Variants in LAMA1 observed in about 807,000 individuals in gnomAD.
LAMA1 encodes laminin subunit alpha-1.
A neutral mutation model predicts 348.7 loss-of-function variants in LAMA1; 219 were observed. The ratio of observed to expected loss-of-function variants is 0.63; its 90% CI spans 0.56 to 0.70. The LOEUF (loss-of-function observed/expected upper bound fraction) is 0.70. LAMA1 is among the 30% of genes least tolerant of loss of function. The pLI is 0.00. For synonymous variants in LAMA1, 1,487 were observed against 1,491.0 expected, an observed-to-expected ratio of 1.00 and a Z score of 0.06; for missense variants, 3,744 against 3,888.0, an observed-to-expected ratio of 0.96 and a Z score of 0.99.
chr18:6,974,889 A>G lies in LAMA1; in HGVS notation c.6623+14T>C. ...TAAAAAAGAGAGCTGCTTTGAGAGAACATTCTCTTCTACCTGGCTACATGG... is the reference window on the plus strand; with the variant it reads ...TAAAAAAGAGAGCTGCTTTGAGAGAGCATTCTCTTCTACCTGGCTACATGG... On this transcript the variant is annotated intron_variant, in intron 46 of 62. Transcript: ENST00000389658. 1 of 1,614,098 alleles carries G rather than the reference A, an allele frequency of 6.2e-7. No homozygotes were observed. Among genetic ancestry groups the G allele is most frequent in the Non-Finnish European group, 8.5e-7 (1 of 1,179,980 alleles).
chr18:7,055,136 G>A (rs1389864670), intron 3 of LAMA1, among the ~76,000 whole-genome samples: 2 of 151,014 alleles, frequency 1.3e-5, no homozygotes, highest in Non-Finnish European at 2.9e-5. Flanking sequence ...GTGTGTGTGT[G>A]TGTAAATATA....
chr18:6,944,317 G>C (rs976247688), intron 61 of LAMA1, among the ~76,000 whole-genome samples: 2 of 152,078 alleles, frequency 1.3e-5, no homozygotes, highest in South Asian at 2.1e-4. Flanking sequence ...CACCTGGCCC[G>C]GTCATACCTA....
At position 6,959,376 on chromosome 18, in the gene LAMA1, T is replaced by C. The variant is rs2057596567; in HGVS notation, c.7743A>G (p.Gly2581=). ...LHAPTGTCSD[G]QAHSISLVRN... is the part of the protein sequence containing the mutation. Reference sequence around the variant, plus strand: ...TGACCAAGGAGATGGAATGCGCTTGTCCATCACTGCAGGTACCCGTGGGAG... The same window carrying C: ...TGACCAAGGAGATGGAATGCGCTTGCCCATCACTGCAGGTACCCGTGGGAG... Residue 2581 remains glycine, a synonymous_variant, in exon 54 of 63, where the codon GGA becomes GGG. Coordinates refer to ENST00000389658, the MANE Select transcript of LAMA1 (RefSeq NM_005559.4). 3.7e-6 allele frequency: 6 copies of C among 1,614,154 alleles called. No homozygotes were observed. The highest frequency in any genetic ancestry group is 5.1e-6 in the Non-Finnish European group (6 of 1,180,024).
intron 35 of LAMA1, 33 bp downstream of exon 35, chr18:6,993,608 C>T (rs780590232): frequency 2.1e-6 from 3 of 1,409,662 alleles, no homozygotes; most frequent in African/African-American, 1.4e-5. Context: ...TAGATAAGCA[C>T]AGATACTTCA....
Position 6,996,744 on chromosome 18 carries a change from A to C in LAMA1, c.4806+998T>G, listed in dbSNP as rs183534376. Among the ~76,000 whole-genome samples the C allele has an allele frequency of 8.0e-3, 1,223 of 152,266 alleles. 10 individuals are homozygous for C. The highest frequency in any genetic ancestry group is 0.022 in the Admixed American group (343 of 15,288). On this transcript the variant is annotated intron_variant, in intron 33 of 62. Coordinates refer to ENST00000389658, the MANE Select transcript of LAMA1 (RefSeq NM_005559.4). ...CAGTGGGCCATGACTGCGCCACTGC[A>C]TGCCAACCTGGGTGACTGAGGGAGA... is the stretch of plus-strand genomic sequence containing the variant.
At chr18:7,050,624 C>G in intron 4 of LAMA1, 70 bp downstream of exon 4, 1 of 1,608,030 alleles carries the variant, frequency 6.2e-7, no homozygotes, top group Admixed American at 1.7e-5. Flanking sequence ...TGAGAGAGAT[C>G]AATTTTGAGT....
intron 1 of LAMA1, 58 bp downstream of exon 1, chr18:7,117,602 C>T (rs2058363074): frequency 3.9e-6 from 6 of 1,552,516 alleles, no homozygotes; most frequent in Non-Finnish European, 4.4e-6. Context: ...TTGTCCGCGG[C>T]CGCCCCCGCC....
chr18:6,943,552 A>G (rs2057509381), intron 61 of LAMA1, 150 bp from the exon 62 acceptor site: 1 of 727,102 alleles, frequency 1.4e-6, no homozygotes. Context: ...TAACCTTTTA[A>G]AGGATTCAGA....
Position 7,025,587 on chromosome 18 carries a change from TA to T in LAMA1, c.2402+391del, listed in dbSNP as rs1166440347. ...TGAATGGATTTAGACTGCTCTTGTT[TA>T]GCCTCATGCGTACATATTTTGGTCA... is the stretch of plus-strand genomic sequence containing the variant. On this transcript the variant is annotated intron_variant, in intron 17 of 62. Transcript: ENST00000389658. Among the ~76,000 whole-genome samples, 3 of 152,224 alleles carry T rather than the reference TA, an allele frequency of 2.0e-5. No homozygotes were observed. The South Asian group carries it at 6.2e-4, about 32-fold the overall frequency.
At chr18:7,034,393 A>T in intron 14 of LAMA1, 86 bp downstream of exon 14, 1 of 961,184 alleles carries the variant, frequency 1.0e-6, no homozygotes, top group Non-Finnish European at 1.6e-6. Context: ...AATGTAAAAT[A>T]CGTTGAGCTT....
chr18:7,021,068 C>G (rs531981400), intron 19 of LAMA1, among the ~76,000 whole-genome samples: 4 of 152,176 alleles, frequency 2.6e-5, no homozygotes, highest in African/African-American at 9.7e-5. Flanking sequence ...CACTCTCTCT[C>G]CAGTGTCTAC....
intron 1 of LAMA1, among the ~76,000 whole-genome samples, chr18:7,115,024 G>A (rs2058350215): frequency 6.6e-6 from 1 of 152,156 alleles, no homozygotes; most frequent in African/African-American, 2.4e-5. Context: ...AGGAAAAAAA[G>A]AATGGACTAA....
At chr18:6,962,205 T>G (rs558674108) in intron 51 of LAMA1, 146 bp from the exon 52 acceptor site, 5 of 697,516 alleles carry the variant, frequency 7.2e-6, no homozygotes, top group South Asian at 4.7e-5. Flanking sequence ...AAGGATTACC[T>G]AAGCCCACGA....
intron 57 of LAMA1, 150 bp downstream of exon 57, chr18:6,955,203 C>T: frequency 1.4e-6 from 1 of 697,344 alleles, no homozygotes; most frequent in Non-Finnish European, 2.6e-6. Flanking sequence ...TGCACCAACA[C>T]TGAATTCCTT....
rs2057525546 is a variant in LAMA1 at position 6,947,152 on chromosome 18, G to A, written c.8844+11C>T. The A allele has an allele frequency of 6.2e-7, 1 of 1,614,062 alleles. No individual in the cohort carries two copies. The highest frequency in any genetic ancestry group is 8.5e-7 in the Non-Finnish European group (1 of 1,180,038). On this transcript the variant is annotated intron_variant, in intron 61 of 62. Transcript: ENST00000389658. ...GGGGGAGGAAGACCCTCATGGAGAG[G>A]AAGCACCCACCTTGCCGTCCACAAG...
At chr18:7,105,285 C>G (rs1277477058) in intron 1 of LAMA1, among the ~76,000 whole-genome samples, 1 of 151,824 alleles carries the variant, frequency 6.6e-6, no homozygotes, top group Non-Finnish European at 1.5e-5. Flanking sequence ...TACAAAAATA[C>G]AAAAATTAGC....
At chr18:7,053,150 A>G (rs923057057) in intron 3 of LAMA1, among the ~76,000 whole-genome samples, 6 of 152,242 alleles carry the variant, frequency 3.9e-5, no homozygotes, top group Non-Finnish European at 5.9e-5. Context: ...TGAAGACAGC[A>G]AAAAGATCAG....
chr18:7,034,378 T>C (rs1598290566), intron 14 of LAMA1, 101 bp downstream of exon 14: 2 of 851,322 alleles, frequency 2.3e-6, no homozygotes, highest in African/African-American at 1.7e-5. Context: ...GTCCTTAATA[T>C]AATGAATGTA....
chr18:7,100,662 A>G (rs770878995), intron 1 of LAMA1, among the ~76,000 whole-genome samples: 6 of 152,190 alleles, frequency 3.9e-5, no homozygotes, highest in Admixed American at 2.0e-4. Context: ...TTATTGACAT[A>G]TGCTACAAAA....
Sources: gnomAD v4.1 joint callset for allele counts (sites outside exome capture counted in the v4.1 genomes callset) on GRCh38, gnomAD v4.1.1 for gene constraint, MANE v1.5 for transcripts, NCBI Gene and HGNC (gene_info 2026-07-23, HGNC 2026-07-21) for gene names.